PKIB: variants seen among roughly 807,000 people sequenced by gnomAD.
PKIB encodes PKI-beta.
In PKIB, 2 loss-of-function variants were observed where a neutral mutation model predicts 4.5. That is an observed-to-expected ratio of 0.44 (90% CI 0.18 to 1.39). The LOEUF (loss-of-function observed/expected upper bound fraction) is 1.39, where lower values mean the gene tolerates loss of function less well. PKIB is among the 40% of genes most tolerant of loss of function. The pLI is 0.27. For missense variants in PKIB, 94 were observed against 92.6 expected, an observed-to-expected ratio of 1.02 and a Z score of -0.06; for synonymous variants, 38 against 36.0, an observed-to-expected ratio of 1.06 and a Z score of -0.20.
At chr6:122,666,768 T>G (rs1777235377) in intron 2 of PKIB, among the ~76,000 whole-genome samples, 1 of 152,212 alleles carries the variant, frequency 6.6e-6, no homozygotes, top group Admixed American at 6.5e-5. Context: ...ATTCATCAAC[T>G]TTACTTTCAG....
chr6:122,633,763 T>C (rs1469833149), intron 2 of PKIB, among the ~76,000 whole-genome samples: 1 of 152,218 alleles, frequency 6.6e-6, no homozygotes, highest in Non-Finnish European at 1.5e-5. Context: ...TCTTATAAAC[T>C]GACTGCTTTT....
At chr6:122,609,139 G>C (rs561710293), upstream of PKIB, among the ~76,000 whole-genome samples, 31 of 152,266 alleles carry the variant, frequency 2.0e-4, 1 homozygote, top group South Asian at 6.2e-3. Flanking sequence ...GTTTTTGCCA[G>C]TACTTTTTTG....
chr6:122,604,717 A>T (rs1472942145), intron 3 of PKIB, among the ~76,000 whole-genome samples: 1 of 152,198 alleles, frequency 6.6e-6, no homozygotes, highest in Non-Finnish European at 1.5e-5. Flanking sequence ...TAAGAAAACT[A>T]ATTTTACTCA....
At chr6:122,486,437 A>G (rs1050284392) in intron 2 of PKIB, among the ~76,000 whole-genome samples, 2 of 151,996 alleles carry the variant, frequency 1.3e-5, no homozygotes, top group Admixed American at 6.6e-5. Flanking sequence ...CGTCTTCTAT[A>G]TTTATTATTT....
intron 2 of PKIB, among the ~76,000 whole-genome samples, chr6:122,518,172 T>C (rs1776820419): frequency 1.3e-5 from 2 of 152,166 alleles, no homozygotes; most frequent in South Asian, 4.1e-4. Flanking sequence ...TGCTATGAAA[T>C]GTTCTTCTTT....
intron 1 of PKIB, among the ~76,000 whole-genome samples, chr6:122,626,587 C>T (rs978655576): frequency 5.3e-5 from 8 of 152,156 alleles, no homozygotes; most frequent in African/African-American, 1.9e-4. Flanking sequence ...TTAAGGATGG[C>T]CCACAGCCTT....
Position 122,538,289 on chromosome 6 carries a change from T to C in PKIB, c.-247-47632T>C, listed in dbSNP as rs187969352. Among the ~76,000 whole-genome samples, 544 of 152,276 alleles carry C rather than the reference T, an allele frequency of 3.6e-3. 7 individuals carry two copies. The highest frequency in any genetic ancestry group is 0.012 in the African/African-American group (503 of 41,504). ...CCTGAATGGTATTGCCTAGGTTTTCTTCTAGGGTTTTTATGATTTTAGATC... is the reference window on the plus strand; with the variant it reads ...CCTGAATGGTATTGCCTAGGTTTTCCTCTAGGGTTTTTATGATTTTAGATC... On this transcript the variant is annotated intron_variant, in intron 2 of 6. Coordinates refer to the PKIB transcript ENST00000392491.
intron 1 of PKIB, among the ~76,000 whole-genome samples, chr6:122,473,072 C>T (rs1416516836): frequency 6.6e-6 from 1 of 152,190 alleles, no homozygotes; most frequent in Admixed American, 6.5e-5. Context: ...GATTGGGCCA[C>T]TGCACTCCAG....
intron 2 of PKIB, among the ~76,000 whole-genome samples, chr6:122,666,054 C>T (rs1053559376): frequency 6.6e-6 from 1 of 152,090 alleles, no homozygotes; most frequent in African/African-American, 2.4e-5. Context: ...AAATGTGAGC[C>T]GAGTTTCCCC....
rs184370689 is a variant in PKIB, at chr6:122,634,288, C to A, written c.-76+921C>A. Among the ~76,000 whole-genome samples, 158 of 152,108 alleles carry A rather than the reference C, an allele frequency of 1.0e-3. No individual in the cohort carries two copies. The Middle Eastern group carries it at 0.02, about 20-fold the overall frequency. ...CGGGTTGATGGGTGCAGCAAACCAC[C>A]ATGGCACGTGTATACCTATGCAACA... On this transcript the variant is annotated intron_variant, in intron 2 of 4. Coordinates refer to ENST00000368452, the MANE Select transcript of PKIB (RefSeq NM_181795.3).
rs533553939 is a variant in PKIB, at chr6:122,553,481, CTTTT to C, written c.-247-32421_-247-32418del. Among the ~76,000 whole-genome samples, 402 of 65,808 alleles carry C rather than the reference CTTTT, an allele frequency of 6.1e-3. 13 individuals carry two copies. Among genetic ancestry groups the C allele is most frequent in the East Asian group, 0.015 (28 of 1,828 alleles). 43.2% of individuals were successfully genotyped at this position (65,808 alleles called of 152,430 possible). A position where few individuals can be genotyped will look rare whatever the true frequency, so the allele number is the denominator to read the frequency against. ...TCTCTCAAGATTGCTCAAATATCTT[CTTTT>C]TTTTTTTTTTTTTTTTTTCTGAAAA... On this transcript the variant is annotated intron_variant, in intron 2 of 6. Transcript: ENST00000392491.
chr6:122,500,572 C>T (rs1776201078), intron 2 of PKIB, among the ~76,000 whole-genome samples: 1 of 152,182 alleles, frequency 6.6e-6, no homozygotes, highest in South Asian at 2.1e-4. Context: ...TTTCTGACTG[C>T]TCCAGAGGAT....
chr6:122,620,020 T>C (rs765237917), intron 1 of PKIB, among the ~76,000 whole-genome samples: 1 of 152,192 alleles, frequency 6.6e-6, no homozygotes, highest in Non-Finnish European at 1.5e-5. Context: ...GTTTATTATT[T>C]TCAATTTTAT....
intron 2 of PKIB, among the ~76,000 whole-genome samples, chr6:122,517,813 CAT>C (rs1776809716): frequency 6.6e-6 from 1 of 152,146 alleles, no homozygotes; most frequent in African/African-American, 2.4e-5. Context: ...TCCTAGAAAA[CAT>C]AGCATTCCTA....
intron 2 of PKIB, among the ~76,000 whole-genome samples, chr6:122,651,074 C>T (rs1216554350): frequency 6.6e-6 from 1 of 152,114 alleles, no homozygotes. Flanking sequence ...GTGGAAGGCC[C>T]TACACAAGCC....
chr6:122,575,698 A>G (rs905177996), intron 2 of PKIB, among the ~76,000 whole-genome samples: 9 of 152,350 alleles, frequency 5.9e-5, no homozygotes, highest in African/African-American at 1.9e-4. Context: ...GCTCTTACTT[A>G]TAAGTGGGAG....
intron 2 of PKIB, among the ~76,000 whole-genome samples, chr6:122,653,407 A>T (rs549257211): frequency 4.6e-5 from 7 of 151,982 alleles, no homozygotes; most frequent in Admixed American, 2.6e-4. Flanking sequence ...CCTCTCTTGC[A>T]TGTGTTCTGG....
At chr6:122,538,370 G>A (rs1394783497) in intron 2 of PKIB, among the ~76,000 whole-genome samples, 1 of 152,070 alleles carries the variant, frequency 6.6e-6, no homozygotes, top group East Asian at 1.9e-4. Context: ...GTGTAAGGAA[G>A]GGATCCAGTT....
chr6:122,721,016 T>A (rs1270485720), intron 4 of PKIB, among the ~76,000 whole-genome samples: 3 of 152,170 alleles, frequency 2.0e-5, no homozygotes, highest in Non-Finnish European at 2.9e-5. Flanking sequence ...GTGTATATTT[T>A]CAAAACATAT....
Sources: allele counts gnomAD v4.1 joint callset (sites outside exome capture counted in the v4.1 genomes callset), GRCh38; gene constraint gnomAD v4.1.1; transcripts MANE v1.5; gene names NCBI Gene and HGNC (gene_info 2026-07-23, HGNC 2026-07-21).